The following STRN3 variants were observed in gnomAD, a reference collection of about 807,000 sequenced individuals.
STRN3 encodes striatin-3.
A neutral mutation model predicts 95.6 loss-of-function variants in STRN3; 29 were observed. The observed-to-expected ratio is 0.30, with a 90% CI of 0.23 to 0.41. The LOEUF is 0.41. Among genes scored for constraint, STRN3 ranks in the 10% least tolerant of loss-of-function variants. The probability of loss-of-function intolerance (pLI) is 1.00; values close to 1 mark genes in which losing one functional copy is unlikely to be tolerated. For missense variants in STRN3, 890 were observed against 972.1 expected (o/e 0.92, Z 1.12); for synonymous variants, 331 against 357.6 (o/e 0.93, Z 0.84).
chr14:31,020,905 T>C (rs1343620864), intron 1 of STRN3, among the ~76,000 whole-genome samples: 2 of 150,852 alleles, frequency 1.3e-5, no homozygotes, highest in South Asian at 2.1e-4. Context: ...GACGCTCTCT[T>C]GAAAAAAAAA....
intron 16 of STRN3, 27 bp from the exon 17 acceptor site, chr14:30,895,775 T>C: frequency 1.3e-6 from 2 of 1,582,618 alleles, no homozygotes; most frequent in Non-Finnish European, 8.6e-7. Flanking sequence ...AGAGAACTGA[T>C]TAAGTTTTCA....
rs1301088594 is a variant in STRN3, at chr14:30,946,341, G to C, written c.716+749C>G. On this transcript the variant is annotated intron_variant, in intron 5 of 17. Coordinates refer to ENST00000357479, the MANE Select transcript of STRN3 (RefSeq NM_001083893.2). ...GCAGGCTGTTTAAGGCCAGGAGTTT[G>C]AGACCAGCCTGGGCAACAGAGCAAG... Among the ~76,000 whole-genome samples the C allele has an allele frequency of 2.6e-5, 4 of 151,902 alleles. No homozygotes were observed. In the East Asian group the frequency reaches 5.8e-4, roughly 22 times the overall value.
At chr14:30,966,221 T>C (rs1034405994) in intron 1 of STRN3, among the ~76,000 whole-genome samples, 3 of 151,976 alleles carry the variant, frequency 2.0e-5, no homozygotes, top group Non-Finnish European at 4.4e-5. Flanking sequence ...AAGGGTCACG[T>C]GCATCAGGGA....
chr14:30,995,476 G>C (rs930773125), intron 1 of STRN3, among the ~76,000 whole-genome samples: 1 of 152,140 alleles, frequency 6.6e-6, no homozygotes, highest in Non-Finnish European at 1.5e-5. Flanking sequence ...TGTCAAATGA[G>C]AGGAATGAAT....
At chr14:30,942,738 C>A (rs933968295) in intron 5 of STRN3, among the ~76,000 whole-genome samples, 3 of 152,038 alleles carry the variant, frequency 2.0e-5, no homozygotes, top group African/African-American at 7.2e-5. Flanking sequence ...TCAAGAAATA[C>A]AATAGTGCCA....
intron 1 of STRN3, among the ~76,000 whole-genome samples, chr14:30,970,756 T>A (rs1327408471): frequency 6.6e-6 from 1 of 152,236 alleles, no homozygotes; most frequent in Admixed American, 6.5e-5. Flanking sequence ...AAACAAACTT[T>A]GGCAATTGAG....
At chr14:30,929,966 A>AAAAAAAAAAAAAAAAAAAAAAAAC (rs1555317368) in intron 7 of STRN3, among the ~76,000 whole-genome samples, 10 of 108,310 alleles carry the variant, frequency 9.2e-5, no homozygotes, top group Non-Finnish European at 1.6e-4. Flanking sequence ...AAAAAAAAAA[A>AAAAAAAAAAAAAAAAAAAAAAAAC]AAAAAAAAAA....
chr14:30,997,647 C>T (rs1882265286), intron 1 of STRN3, among the ~76,000 whole-genome samples: 2 of 152,180 alleles, frequency 1.3e-5, no homozygotes, highest in African/African-American at 4.8e-5. Context: ...GTGTGTATAA[C>T]AAACTTTGTT....
At chr14:31,016,538 T>C (rs566258288) in intron 1 of STRN3, among the ~76,000 whole-genome samples, 7 of 150,552 alleles carry the variant, frequency 4.6e-5, no homozygotes, top group African/African-American at 1.7e-4. Flanking sequence ...AGAAAAATAA[T>C]AAAAATATAT....
intron 1 of STRN3, among the ~76,000 whole-genome samples, chr14:30,984,715 T>C (rs1881594160): frequency 6.6e-6 from 1 of 150,740 alleles, no homozygotes; most frequent in Admixed American, 6.6e-5. Context: ...GAGGCGGAGG[T>C]TGCAGTGAGC....
At chr14:30,929,965 A>AAAAAAAAAAC (rs1878422588) in intron 7 of STRN3, among the ~76,000 whole-genome samples, 1 of 143,360 alleles carries the variant, frequency 7.0e-6, no homozygotes, top group Admixed American at 7.0e-5. Flanking sequence ...AAAAAAAAAA[A>AAAAAAAAAAC]AAAAAAAAAA....
At chr14:30,917,436 A>C (rs1162157214) in intron 9 of STRN3, among the ~76,000 whole-genome samples, 2 of 152,192 alleles carry the variant, frequency 1.3e-5, no homozygotes, top group African/African-American at 4.8e-5. Context: ...CTTTGCCTTA[A>C]ATTGCAAAAC....
chr14:31,006,424 G>A (rs1207484154), intron 1 of STRN3, among the ~76,000 whole-genome samples: 1 of 151,514 alleles, frequency 6.6e-6, no homozygotes, highest in Non-Finnish European at 1.5e-5. Context: ...GCCCAGGTGT[G>A]GTGGCTCACG....
In STRN3 at chr14:30,911,120, C is replaced by T; in HGVS notation, c.1641G>A (p.Gln547=). ...TTGCATCAATACCACCACTAAAACA[C>T]TGTTCTCCATTAGAACTAATAGCTA... ...LSLAISSNGE[Q]CFSGGIDATI... is the part of the protein sequence containing the mutation. Residue 547 remains glutamine, a synonymous_variant, in exon 13 of 18, where the codon CAG becomes CAA. Transcript: ENST00000357479. 6.2e-7 allele frequency: 1 copy of T among 1,614,106 alleles called. No homozygotes were observed. The highest frequency in any genetic ancestry group is 8.5e-7 in the Non-Finnish European group (1 of 1,180,002).
intron 1 of STRN3, among the ~76,000 whole-genome samples, chr14:30,970,362 G>A (rs545948250): frequency 4.6e-5 from 7 of 152,330 alleles, no homozygotes; most frequent in South Asian, 2.1e-4. Context: ...TTGGTCCAAC[G>A]TTCTGTGGAC....
chr14:30,975,989 A>G (rs1010890972), intron 1 of STRN3, among the ~76,000 whole-genome samples: 1 of 152,210 alleles, frequency 6.6e-6, no homozygotes, highest in Non-Finnish European at 1.5e-5. Flanking sequence ...AAACCAGAGA[A>G]GGCAGAAAAA....
intron 1 of STRN3, among the ~76,000 whole-genome samples, chr14:30,983,883 T>C (rs1412160217): frequency 6.6e-6 from 1 of 151,936 alleles, no homozygotes; most frequent in African/African-American, 2.4e-5. Context: ...CTTTAAAAAG[T>C]AAATGAAGAA....
chr14:30,969,010 TTC>T (rs1880689928), intron 1 of STRN3, among the ~76,000 whole-genome samples: 1 of 152,210 alleles, frequency 6.6e-6, no homozygotes. Context: ...GTAAAGGAAA[TTC>T]TGTGTGTAAA....
At chr14:30,936,229 T>C (rs1043342915) in intron 6 of STRN3, among the ~76,000 whole-genome samples, 6 of 152,186 alleles carry the variant, frequency 3.9e-5, no homozygotes, top group African/African-American at 1.4e-4. Context: ...GTAGCAGAAG[T>C]GGAAAGGGCA....
Sources: gnomAD v4.1 joint callset for allele counts (sites outside exome capture counted in the v4.1 genomes callset) on GRCh38, gnomAD v4.1.1 for gene constraint, MANE v1.5 for transcripts, NCBI Gene and HGNC (gene_info 2026-07-23, HGNC 2026-07-21) for gene names.